The following NAV1 variants were observed in gnomAD, a reference collection of about 807,000 sequenced individuals.
NAV1 encodes pore membrane and/or filament interacting like protein 3.
A neutral mutation model predicts 175.2 loss-of-function variants in NAV1; 18 were observed. The observed-to-expected ratio is 0.10, with a 90% CI of 0.07 to 0.15. The LOEUF (loss-of-function observed/expected upper bound fraction) is 0.15. Ranked by LOEUF, NAV1 falls within the 10% of genes least tolerant of loss-of-function variation. The probability of loss-of-function intolerance (pLI) is 1.00; values close to 1 mark genes in which losing one functional copy is unlikely to be tolerated. For missense variants in NAV1, 1,731 were observed against 2,436.6 expected, an observed-to-expected ratio of 0.71 and a Z score of 6.10; for synonymous variants, 897 against 978.7, an observed-to-expected ratio of 0.92 and a Z score of 1.56.
rs553865422 is a variant in NAV1, at chr1:201,813,010, T to A, written c.5222-130T>A. On this transcript the variant is annotated intron_variant, in intron 27 of 29. Transcript: ENST00000367296. This position sits in a 1 kb window ranked among gnomAD's most constrained non-coding sequence, Gnocchi z 4.2. ...CTAGGCAGTCAGCACCCACTAGTCTTGACAACTCTAAATTTCCTTTAATCC... is the reference window on the plus strand; with the variant it reads ...CTAGGCAGTCAGCACCCACTAGTCTAGACAACTCTAAATTTCCTTTAATCC... 2 of 686,670 alleles carry A rather than the reference T, an allele frequency of 2.9e-6. No individual in the cohort carries two copies. The highest frequency in any genetic ancestry group is 5.1e-5 in the East Asian group (2 of 39,120). 42.5% of individuals were successfully genotyped at this position (686,670 alleles called of 1,614,324 possible). A position where few individuals can be genotyped will look rare whatever the true frequency, so the allele number is the denominator to read the frequency against.
chr1:201,653,844 G>T (rs1261885645), intron 1 of NAV1, among the ~76,000 whole-genome samples: 2 of 152,230 alleles, frequency 1.3e-5, no homozygotes, highest in Non-Finnish European at 2.9e-5. Flanking sequence ...CTGCAGGTTT[G>T]TGTGTATGTG....
intron 3 of NAV1, among the ~76,000 whole-genome samples, chr1:201,736,705 G>A (rs1435081678): frequency 6.6e-6 from 1 of 152,164 alleles, no homozygotes. Context: ...GTAAAGAGCT[G>A]CTGTGAGAGT....
chr1:201,680,463 G>A (rs1020816423), intron 1 of NAV1, among the ~76,000 whole-genome samples: 3 of 152,036 alleles, frequency 2.0e-5, no homozygotes, highest in Non-Finnish European at 2.9e-5. Context: ...CCGAGATCGC[G>A]CCATTGCACT....
At chr1:201,780,371 TGCCTGGGC>T (rs1186262568) in intron 3 of NAV1, 42 bp from the exon 8 acceptor site, 6 of 1,607,422 alleles carry the variant, frequency 3.7e-6, no homozygotes, top group Admixed American at 3.4e-5. Flanking sequence ...ATTTATTTTT[TGCCTGGGC>T]TTCTGTTTTA....
At chr1:201,781,089 T>C (rs1271323064) in exon 5 of NAV1, 1 of 1,614,108 alleles carries the variant, frequency 6.2e-7, no homozygotes, top group Non-Finnish European at 8.5e-7. Flanking sequence ...AGAAAGCCCC[T>C]AAAAAACTGG....
At chr1:201,723,191 G>A (rs1275361208) in intron 3 of NAV1, 1 of 152,196 alleles carries the variant, frequency 6.6e-6, no homozygotes, top group Non-Finnish European at 1.5e-5. Context: ...TTAGTAATAT[G>A]GAGCAGCTTT....
chr1:201,600,469 C>G (rs1667483104), intron 2 of NAV1, among the ~76,000 whole-genome samples: 1 of 152,198 alleles, frequency 6.6e-6, no homozygotes, highest in Non-Finnish European at 1.5e-5. Flanking sequence ...AACTGGTGGA[C>G]TCCAAATACA....
At chr1:201,793,982 C>A (rs1391379987) in intron 14 of NAV1, 107 bp downstream of exon 18, 1 of 895,428 alleles carries the variant, frequency 1.1e-6, no homozygotes, top group Non-Finnish European at 1.8e-6. Context: ...GCCAGTTTCT[C>A]CCCACCTCAC....
In NAV1 at chr1:201,702,706, C is replaced by T. The variant is rs1056956298; in HGVS notation, c.758-10111C>T. On this transcript the variant is annotated intron_variant, in intron 1 of 29. Transcript: ENST00000367296. ...TCTCTCTCTCTCTCTCTCTCTCTCTCTCTCTCTCTCTCTCTCTCTCTCTCT... is the reference window on the plus strand; with the variant it reads ...TCTCTCTCTCTCTCTCTCTCTCTCTTTCTCTCTCTCTCTCTCTCTCTCTCT... 1.9e-4 allele frequency among the ~76,000 whole-genome samples: 29 copies of T among 151,324 alleles called. 2 individuals are homozygous for T. Among genetic ancestry groups the T allele is most frequent in the South Asian group, 6.3e-4 (3 of 4,742 alleles).
At chr1:201,565,864 C>T (rs557569394) in intron 1 of NAV1, among the ~76,000 whole-genome samples, 5 of 152,254 alleles carry the variant, frequency 3.3e-5, no homozygotes, top group South Asian at 2.1e-4. Context: ...TCCCTGGAGG[C>T]GCCAGACATT....
In NAV1 at chr1:201,788,547, C is replaced by T. The variant is rs1676915143; in HGVS notation, c.3075C>T (p.Tyr1025=). Residue 1025 remains tyrosine, a synonymous_variant, in exon 10 of 30, where the codon TAC becomes TAT. Coordinates refer to ENST00000367296, the Ensembl canonical transcript of NAV1. The surrounding 1 kb of genome is among the most constrained non-coding windows in gnomAD (Gnocchi z 5.7). ...CCCACGAGGCGGCCTTCGAGCTGTACAGCGGCTCCCAAATGGGGAGCACCC... is the reference window on the plus strand; with the variant it reads ...CCCACGAGGCGGCCTTCGAGCTGTATAGCGGCTCCCAAATGGGGAGCACCC... 1.2e-6 allele frequency: 2 copies of T among 1,614,066 alleles called. No homozygotes were observed. The highest frequency in any genetic ancestry group is 8.5e-7 in the Non-Finnish European group (1 of 1,180,036).
At chr1:201,621,595 G>A (rs1020576411), upstream of NAV1, among the ~76,000 whole-genome samples, 1 of 152,092 alleles carries the variant, frequency 6.6e-6, no homozygotes, top group Non-Finnish European at 1.5e-5. Flanking sequence ...GCCTCCCAAA[G>A]TGCAGGGATT....
At chr1:201,774,760 TATATTTCAC>T (rs1200481806) in intron 3 of NAV1, among the ~76,000 whole-genome samples, 3 of 152,218 alleles carry the variant, frequency 2.0e-5, no homozygotes, top group African/African-American at 7.2e-5. Context: ...TCACTTAGGA[TATATTTCAC>T]ATATTTCACA....
At chr1:201,557,142 A>G (rs1372173005) in intron 1 of NAV1, among the ~76,000 whole-genome samples, 1 of 152,174 alleles carries the variant, frequency 6.6e-6, no homozygotes, top group Non-Finnish European at 1.5e-5. Flanking sequence ...TTCCCACGGC[A>G]CCAACTGTGA....
chr1:201,652,878 A>G (rs1324473075), intron 1 of NAV1, among the ~76,000 whole-genome samples: 1 of 152,226 alleles, frequency 6.6e-6, no homozygotes, highest in South Asian at 2.1e-4. Flanking sequence ...TCAAAAATGC[A>G]TTGAATACAC....
chr1:201,638,391 T>A (rs372690964), intron 2 of NAV1, among the ~76,000 whole-genome samples: 7 of 152,262 alleles, frequency 4.6e-5, no homozygotes, highest in African/African-American at 1.7e-4. Context: ...TGTGGGGCAG[T>A]CTTAATGTGA....
At chr1:201,811,389 T>C (rs1272141252) in intron 24 of NAV1, among the ~76,000 whole-genome samples, 4 of 152,114 alleles carry the variant, frequency 2.6e-5, no homozygotes, top group Admixed American at 2.0e-4. Flanking sequence ...TCCCCAACTT[T>C]GGGGAATTTA....
intron 3 of NAV1, among the ~76,000 whole-genome samples, chr1:201,762,547 A>G (rs1032979234): frequency 1.3e-5 from 2 of 152,228 alleles, no homozygotes; most frequent in Middle Eastern, 3.2e-3. Flanking sequence ...GACATAAATA[A>G]AGTTCTATTG....
At chr1:201,686,820 C>T (rs949840567) in intron 1 of NAV1, among the ~76,000 whole-genome samples, 2 of 152,300 alleles carry the variant, frequency 1.3e-5, no homozygotes, top group Non-Finnish European at 2.9e-5. Flanking sequence ...TCCTACCAGC[C>T]TCAGACTGCA....
Sources: gnomAD v4.1 joint callset for allele counts (sites outside exome capture counted in the v4.1 genomes callset) on GRCh38, gnomAD v4.1.1 for gene constraint, Gnocchi (gnomAD v3.1) non-coding constraint, MANE v1.5 for transcripts, NCBI Gene and HGNC (gene_info 2026-07-23, HGNC 2026-07-21) for gene names.